The following PDCD6IP variants were observed in gnomAD, a reference collection of about 807,000 sequenced individuals.
PDCD6IP encodes programmed cell death 6-interacting protein.
PDCD6IP carries 43 observed loss-of-function variants against 103.7 expected under a neutral mutation model. The ratio of observed to expected loss-of-function variants is 0.41; its 90% CI spans 0.32 to 0.53. PDCD6IP has a LOEUF of 0.53. PDCD6IP is among the 20% of genes least tolerant of loss of function. PDCD6IP has a pLI of 0.16. For missense variants in PDCD6IP, 871 were observed against 1,036.7 expected (o/e 0.84, Z 2.20); for synonymous variants, 354 against 378.7 (o/e 0.93, Z 0.76).
intron 3 of PDCD6IP, among the ~76,000 whole-genome samples, chr3:33,818,962 G>A (rs569504223): frequency 2.0e-5 from 3 of 152,038 alleles, no homozygotes; most frequent in Non-Finnish European, 4.4e-5. Context: ...GACTTAATGG[G>A]ATTTCATTTT....
rs1209610254 is a variant in PDCD6IP at position 33,867,517 on chromosome 3, A to G, written c.*992A>G. 1 of 152,244 alleles carries G rather than the reference A, an allele frequency of 6.6e-6. No homozygotes were observed. Among genetic ancestry groups the G allele is most frequent in the Non-Finnish European group, 1.5e-5 (1 of 68,036 alleles). The allele number at this position is 152,244 out of a possible 1,614,324, so 9.4% of individuals were successfully genotyped here. On this transcript the variant is annotated 3_prime_UTR_variant, in exon 18 of 18. Coordinates refer to ENST00000307296, the MANE Select transcript of PDCD6IP (RefSeq NM_013374.6). ...CATTTAATGCCCAATATGTATGAAT[A>G]GATCTAAGCCATTTAATTTTTTTTC...
At chr3:33,858,366 G>T (rs1697874750) in intron 15 of PDCD6IP, among the ~76,000 whole-genome samples, 1 of 152,148 alleles carries the variant, frequency 6.6e-6, no homozygotes, top group Non-Finnish European at 1.5e-5. Context: ...TGCACTTCTA[G>T]TCCCAGCTAC....
chr3:33,812,202 A>G lies in PDCD6IP; in HGVS notation c.264+76A>G, dbSNP rs188017902. ...TTCTGCCAATATCTTCACTGTCTTT[A>G]GAGTTTTATGAGATAGTGTTATAAA... On this transcript the variant is annotated intron_variant, in intron 2 of 17. Coordinates refer to ENST00000307296, the MANE Select transcript of PDCD6IP (RefSeq NM_013374.6). The G allele has an allele frequency of 2.1e-4, 325 of 1,528,680 alleles. 8 individuals carry two copies. In the East Asian group the frequency reaches 4.0e-3, roughly 19 times the overall value. 94.7% of individuals were successfully genotyped at this position (1,528,680 alleles called of 1,614,324 possible).
intron 10 of PDCD6IP, among the ~76,000 whole-genome samples, chr3:33,842,506 T>G (rs905664671): frequency 6.6e-6 from 1 of 151,508 alleles, no homozygotes; most frequent in African/African-American, 2.4e-5. Context: ...TGTTTTATAT[T>G]ATTTATCTTA....
intron 15 of PDCD6IP, among the ~76,000 whole-genome samples, chr3:33,863,431 C>G (rs1697996369): frequency 6.6e-6 from 1 of 152,144 alleles, no homozygotes; most frequent in South Asian, 2.1e-4. Flanking sequence ...CATCCCCACC[C>G]CCTACTCTTT....
chr3:33,850,311 T>A (rs1697685907), intron 12 of PDCD6IP, among the ~76,000 whole-genome samples: 1 of 151,636 alleles, frequency 6.6e-6, no homozygotes, highest in Non-Finnish European at 1.5e-5. Context: ...GTAATTACGT[T>A]TCACTTTGTT....
At chr3:33,814,014 A>G (rs1696775463) in intron 3 of PDCD6IP, among the ~76,000 whole-genome samples, 1 of 152,258 alleles carries the variant, frequency 6.6e-6, no homozygotes, top group African/African-American at 2.4e-5. Context: ...ATAATATTAC[A>G]GATACAAAAT....
chr3:33,800,205 C>T (rs112734187), intron 1 of PDCD6IP, among the ~76,000 whole-genome samples: 5,969 of 150,580 alleles, frequency 0.04, 184 homozygotes, highest in Middle Eastern at 0.069. Context: ...CTTTAGGTAT[C>T]ACTGGAGATC....
In PDCD6IP at chr3:33,866,412, C is replaced by A. The variant is rs1016379692; in HGVS notation, c.2494C>A (p.Pro832Thr). 6.2e-7 allele frequency: 1 copy of A among 1,610,798 alleles called. No homozygotes were observed. Among genetic ancestry groups the A allele is most frequent in the African/African-American group, 1.3e-5 (1 of 74,776 alleles). ...NPYAYGQYNM[P>T]YPPVYHQSPG... is the part of the protein sequence containing the mutation. ...TTATGCGTATGGCCAGTATAATATG[C>A]CATATCCACCAGTGTATCACCAGAG... is the stretch of plus-strand genomic sequence containing the variant. The change falls in exon 18 of 18, where the codon CCA becomes ACA. Residue 832 changes from proline (P) to threonine (T), a missense_variant. Pro to Thr is a conservative substitution (Grantham distance 38). This residue lies in a region of PDCD6IP where 202 missense variants were observed against 205.2 expected (regional missense o/e 0.98). Coordinates refer to ENST00000307296, the MANE Select transcript of PDCD6IP (RefSeq NM_013374.6).
At position 33,867,444 on chromosome 3, in the gene PDCD6IP, T is replaced by A. The variant is rs1698090374; in HGVS notation, c.*919T>A. 1 of 152,196 alleles carries A rather than the reference T, an allele frequency of 6.6e-6. No individual in the cohort carries two copies. The highest frequency in any genetic ancestry group is 1.5e-5 in the Non-Finnish European group (1 of 68,020). 9.4% of individuals were successfully genotyped at this position (152,196 alleles called of 1,614,324 possible). ...GTAATGGAATTGTTTGGGGAACACT[T>A]ACTGTACCCTCTCATCCTTTTTCCA... On this transcript the variant is annotated 3_prime_UTR_variant, in exon 18 of 18. Coordinates refer to ENST00000307296, the MANE Select transcript of PDCD6IP (RefSeq NM_013374.6).
chr3:33,838,272 G>A lies in PDCD6IP; in HGVS notation c.1126G>A (p.Asp376Asn), dbSNP rs199990824. ...SLAAYNQRKADLVNRSIAQMR... is the reference protein window; with the variant it reads ...SLAAYNQRKANLVNRSIAQMR... ...GGCTGCCTATAATCAGAGGAAAGCC[G>A]ATTTGGTTAACAGATCAATTGCTCA... The change falls in exon 9 of 18, where the codon GAT becomes AAT. Residue 376 changes from aspartate to asparagine, a missense_variant. Physicochemically the swap from Asp to Asn is conservative, Grantham distance 23. Around this residue, in one of 5 missense-constraint regions of PDCD6IP, gnomAD observed 266 missense variants for 390.5 expected, o/e 0.68. Coordinates refer to ENST00000307296, the MANE Select transcript of PDCD6IP (RefSeq NM_013374.6). The A allele has an allele frequency of 5.4e-5, 87 of 1,613,262 alleles. No individual in the cohort carries two copies. In the East Asian group the frequency reaches 1.6e-3, roughly 30 times the overall value.
intron 3 of PDCD6IP, among the ~76,000 whole-genome samples, chr3:33,817,936 T>TA (rs960454950): frequency 1.3e-5 from 2 of 151,984 alleles, no homozygotes; most frequent in African/African-American, 2.4e-5. Flanking sequence ...CTCTTATATG[T>TA]AAAATCTCAT....
At chr3:33,816,016 C>G (rs1696841626) in intron 3 of PDCD6IP, among the ~76,000 whole-genome samples, 1 of 151,996 alleles carries the variant, frequency 6.6e-6, no homozygotes, top group African/African-American at 2.4e-5. Context: ...CTTACAGGAA[C>G]CAGGGTAAAA....
intron 1 of PDCD6IP, among the ~76,000 whole-genome samples, chr3:33,802,579 T>C (rs1278890544): frequency 6.6e-6 from 1 of 151,534 alleles, no homozygotes; most frequent in Non-Finnish European, 1.5e-5. Context: ...AACCTCCGCC[T>C]CTCGGGTTCA....
chr3:33,826,396 A>C, intron 5 of PDCD6IP, 84 bp from the exon 6 acceptor site: 1 of 906,552 alleles, frequency 1.1e-6, no homozygotes, highest in East Asian at 2.6e-5. Flanking sequence ...ATGCGTGTAC[A>C]AACTTGTGAC....
chr3:33,828,723 C>A (rs972887067), intron 6 of PDCD6IP, 130 bp from the exon 7 acceptor site: 36 of 857,286 alleles, frequency 4.2e-5, no homozygotes, highest in Non-Finnish European at 6.1e-5. Context: ...TAATGACTAA[C>A]CTTAATCTCT....
chr3:33,866,264 C>G, intron 17 of PDCD6IP, 87 bp from the exon 18 acceptor site: 1 of 872,562 alleles, frequency 1.1e-6, no homozygotes, highest in Non-Finnish European at 1.7e-6. Flanking sequence ...AAATGACTTT[C>G]ATGAAAAACG....
At chr3:33,855,049 A>G (rs1382786242) in intron 14 of PDCD6IP, 117 bp from the exon 15 acceptor site, 1 of 621,390 alleles carries the variant, frequency 1.6e-6, no homozygotes, top group Non-Finnish European at 2.9e-6. Flanking sequence ...AATGTATCTC[A>G]TGCAGATCTC....
At chr3:33,807,966 G>A (rs1049820379) in intron 1 of PDCD6IP, among the ~76,000 whole-genome samples, 1 of 152,190 alleles carries the variant, frequency 6.6e-6, no homozygotes, top group Non-Finnish European at 1.5e-5. Context: ...AGCACTTGCT[G>A]TTCCCTTCTT....
Sources: allele counts gnomAD v4.1 joint callset (sites outside exome capture counted in the v4.1 genomes callset), GRCh38; gene constraint gnomAD v4.1.1; regional missense constraint gnomAD v4.1.1; transcripts MANE v1.5; gene names NCBI Gene and HGNC (gene_info 2026-07-23, HGNC 2026-07-21).